Variants in COMMD8 observed in about 807,000 individuals in gnomAD.
COMMD8 encodes COMM domain-containing protein 8.
A neutral mutation model predicts 27.2 loss-of-function variants in COMMD8; 28 were observed. The ratio of observed to expected loss-of-function variants is 1.03; its 90% confidence interval spans 0.76 to 1.41. The LOEUF is 1.41. Ranked by LOEUF, COMMD8 falls within the 40% of genes most tolerant of loss-of-function variation. The probability of loss-of-function intolerance (pLI) is 0.00; values close to 1 mark genes in which losing one functional copy is unlikely to be tolerated. For synonymous variants in COMMD8, 79 were observed against 75.5 expected (o/e 1.05, Z -0.24); for missense variants, 217 against 211.2 (o/e 1.03, Z -0.17).
At chr4:47,454,669 C>A (rs575063821) in intron 3 of COMMD8, among the ~76,000 whole-genome samples, 107 of 151,960 alleles carry the variant, frequency 7.0e-4, no homozygotes, top group African/African-American at 2.5e-3. Flanking sequence ...AGTTCTAGAC[C>A]AGCATGACCG....
At position 47,453,202 on chromosome 4, in the gene COMMD8, TG is replaced by T. The variant is rs762822667; in HGVS notation, c.387del (p.Ser130ValfsTer12). ...ATTCGTAATGCAGCAATCTTGTCACTGGAAAGTGCAAGCTGTTTAAAATCAG... is the reference window on the plus strand; with the variant it reads ...ATTCGTAATGCAGCAATCTTGTCACTGAAAGTGCAAGCTGTTTAAAATCAG... The part of the protein sequence containing the change: ...DFDWQVKLAL[S>X]SDKIAALRMP... On this transcript the variant is annotated frameshift_variant, in exon 4 of 5. Transcript: ENST00000381571. LOFTEE classifies it high-confidence loss of function. 3 of 1,613,566 alleles carry T rather than the reference TG, an allele frequency of 1.9e-6. No homozygotes were observed. In the African/African-American group the frequency reaches 4.0e-5, roughly 22 times the overall value.
intron 3 of COMMD8, among the ~76,000 whole-genome samples, chr4:47,454,192 A>G (rs1729828755): frequency 6.6e-6 from 1 of 152,242 alleles, no homozygotes; most frequent in Non-Finnish European, 1.5e-5. Flanking sequence ...AGCGGTTACA[A>G]TCATTTCCAG....
chr4:47,451,545 AAC>A lies in COMMD8; in HGVS notation c.*98_*99del. ...TATTGCTGCTTTCTCAGCCTGGTGCAACAGTCAAGACATCACAAGGTTTCTGA... is the reference window on the plus strand; with the variant it reads ...TATTGCTGCTTTCTCAGCCTGGTGCAAGTCAAGACATCACAAGGTTTCTGA... On this transcript the variant is annotated 3_prime_UTR_variant, in exon 5 of 5. Coordinates refer to ENST00000381571, the MANE Select transcript of COMMD8 (RefSeq NM_017845.5). The A allele has an allele frequency of 2.3e-6, 2 of 869,254 alleles. No homozygotes were observed. Among genetic ancestry groups the A allele is most frequent in the Non-Finnish European group, 3.8e-6 (2 of 531,026 alleles). 53.8% of individuals were successfully genotyped at this position (869,254 alleles called of 1,614,324 possible).
intron 2 of COMMD8, among the ~76,000 whole-genome samples, chr4:47,459,074 T>G: frequency 6.6e-6 from 1 of 152,072 alleles, no homozygotes; most frequent in East Asian, 1.9e-4. Flanking sequence ...CATCCAAGAA[T>G]CTTCATGTCT....
chr4:47,451,710 G>A, intron 4 of COMMD8, 45 bp from the exon 5 acceptor site: 11 of 1,447,432 alleles, frequency 7.6e-6, no homozygotes, highest in African/African-American at 1.5e-5. Flanking sequence ...ATACAAGACT[G>A]ATGCTGATAT....
chr4:47,456,104 G>A (rs1164824147), intron 3 of COMMD8, among the ~76,000 whole-genome samples: 3 of 151,802 alleles, frequency 2.0e-5, no homozygotes, highest in Admixed American at 6.6e-5. Flanking sequence ...AAAATTAGCC[G>A]GGCATGGGGG....
intron 1 of COMMD8, among the ~76,000 whole-genome samples, chr4:47,461,761 A>C (rs909453544): frequency 1.1e-4 from 16 of 152,114 alleles, no homozygotes; most frequent in Non-Finnish European, 1.9e-4. Context: ...CCTCACTACA[A>C]CTCTGAAGTA....
intron 1 of COMMD8, among the ~76,000 whole-genome samples, chr4:47,463,353 C>T (rs73234587): frequency 0.21 from 32,465 of 152,194 alleles, 3,688 homozygotes; most frequent in Non-Finnish European, 0.25. Flanking sequence ...CTGGTGTGGG[C>T]GCTTCTGCGC....
At chr4:47,459,651 A>G (rs1224312097) in intron 2 of COMMD8, among the ~76,000 whole-genome samples, 1 of 152,194 alleles carries the variant, frequency 6.6e-6, no homozygotes, top group African/African-American at 2.4e-5. Flanking sequence ...ACAAGTGCAG[A>G]CAAATGTTAC....
intron 3 of COMMD8, among the ~76,000 whole-genome samples, chr4:47,454,680 A>G (rs527432730): frequency 6.6e-6 from 1 of 152,116 alleles, no homozygotes; most frequent in Non-Finnish European, 1.5e-5. Flanking sequence ...AGCATGACCG[A>G]CATGGCAAAA....
In COMMD8 at chr4:47,454,951, T is replaced by C. The variant is rs140359643; in HGVS notation, c.375+1626A>G. Among the ~76,000 whole-genome samples the C allele has an allele frequency of 6.4e-3, 969 of 151,344 alleles. 11 individuals are homozygous for C. The highest frequency in any genetic ancestry group is 0.022 in the African/African-American group (913 of 41,164). Reference sequence around the variant, plus strand: ...CAACACGAATGAAGCTATACTTTGATAAACCAAAATAACTAAACATTTCTC... The same window carrying C: ...CAACACGAATGAAGCTATACTTTGACAAACCAAAATAACTAAACATTTCTC... On this transcript the variant is annotated intron_variant, in intron 3 of 4. Coordinates refer to ENST00000381571, the MANE Select transcript of COMMD8 (RefSeq NM_017845.5).
At chr4:47,459,996 C>G (rs906611509) in intron 2 of COMMD8, 148 bp downstream of exon 2, 2 of 572,788 alleles carry the variant, frequency 3.5e-6, no homozygotes, top group Admixed American at 7.7e-5. Flanking sequence ...CTGCAAAAAC[C>G]TAGGACTTCC....
chr4:47,459,682 C>A (rs1156363660), intron 2 of COMMD8, among the ~76,000 whole-genome samples: 1 of 152,158 alleles, frequency 6.6e-6, no homozygotes, highest in Middle Eastern at 3.2e-3. Flanking sequence ...AAGTTATACA[C>A]TGACACACCC....
At chr4:47,458,341 C>A (rs1158992875) in intron 2 of COMMD8, among the ~76,000 whole-genome samples, 3 of 151,894 alleles carry the variant, frequency 2.0e-5, no homozygotes, top group African/African-American at 7.2e-5. Flanking sequence ...AATCTCCCCC[C>A]AAAAAATCTG....
rs574642609 is a variant in COMMD8 at position 47,453,656 on chromosome 4, G to A, written c.376-442C>T. The stretch of plus-strand genomic sequence containing the variant: ...ATGGTCAGCTATCTATCACAATATT[G>A]ATAAATATGTTATCAAGATACCATC... On this transcript the variant is annotated intron_variant, in intron 3 of 4. Transcript: ENST00000381571. Among the ~76,000 whole-genome samples the A allele has an allele frequency of 5.3e-5, 8 of 152,132 alleles. No individual in the cohort carries two copies. The East Asian group carries it at 1.5e-3, about 29-fold the overall frequency.
chr4:47,457,002 A>C (rs1018569927), intron 2 of COMMD8, among the ~76,000 whole-genome samples: 10 of 152,230 alleles, frequency 6.6e-5, no homozygotes, highest in Non-Finnish European at 1.5e-4. Context: ...ACGCAGGGTG[A>C]GTATCTCAAA....
At chr4:47,461,024 TTCC>T (rs1286651308) in intron 1 of COMMD8, among the ~76,000 whole-genome samples, 1 of 152,236 alleles carries the variant, frequency 6.6e-6, no homozygotes, top group African/African-American at 2.4e-5. Context: ...CTGAGTCTGC[TTCC>T]TCAAGTGTTA....
rs756451793 is a variant in COMMD8 at position 47,460,207 on chromosome 4, G to A, written c.159C>T (p.His53=). Residue 53 remains histidine, a synonymous_variant, in exon 2 of 5, where the codon CAC becomes CAT. Transcript: ENST00000381571. ...AAAATTTGGCAATATCTTCTAAAACGTGCATCCATTCTTCTGATTCCCAAA... is the reference window on the plus strand; with the variant it reads ...AAAATTTGGCAATATCTTCTAAAACATGCATCCATTCTTCTGATTCCCAAA... The part of the protein sequence containing the change: ...HTVWESEEWM[H]VLEDIAKFFK... The A allele has an allele frequency of 3.0e-5, 48 of 1,613,160 alleles. No individual in the cohort carries two copies. Among genetic ancestry groups the A allele is most frequent in the East Asian group, 2.5e-4 (11 of 44,782 alleles).
At chr4:47,454,537 G>C (rs949703131) in intron 3 of COMMD8, among the ~76,000 whole-genome samples, 7 of 152,084 alleles carry the variant, frequency 4.6e-5, no homozygotes, top group Admixed American at 4.6e-4. Context: ...ATTATCACTG[G>C]AAACAGAATG....
Sources: gnomAD v4.1 joint callset for allele counts (sites outside exome capture counted in the v4.1 genomes callset) on GRCh38, gnomAD v4.1.1 for gene constraint, MANE v1.5 for transcripts, NCBI Gene and HGNC (gene_info 2026-07-23, HGNC 2026-07-21) for gene names.